DNAAF10: variants seen among roughly 807,000 people sequenced by gnomAD.
DNAAF10 encodes dynein axonemal assembly factor 10, also known as WD repeat domain 92.
DNAAF10 carries 28 observed loss-of-function variants against 43.7 expected under a neutral mutation model. That is an observed-to-expected ratio of 0.64 (90% CI 0.48 to 0.88). The LOEUF is 0.88. DNAAF10 is among the 40% of genes least tolerant of loss of function. The probability of loss-of-function intolerance (pLI) is 0.00; values close to 1 mark genes in which losing one functional copy is unlikely to be tolerated. For synonymous variants in DNAAF10, 156 were observed against 157.3 expected (o/e 0.99, Z 0.06); for missense variants, 403 against 439.1 (o/e 0.92, Z 0.73).
chr2:68,136,527 C>A (rs540812037), intron 6 of DNAAF10, among the ~76,000 whole-genome samples: 147 of 152,196 alleles, frequency 9.7e-4, no homozygotes, highest in Middle Eastern at 3.4e-3. Flanking sequence ...AGAGAAGCAA[C>A]GGAGTAAGTT....
At chr2:68,133,803 C>T (rs183055469) in intron 7 of DNAAF10, among the ~76,000 whole-genome samples, 1 of 152,260 alleles carries the variant, frequency 6.6e-6, no homozygotes, top group Non-Finnish European at 1.5e-5. Context: ...TATCCCTGCA[C>T]ACAGTACTTT....
chr2:68,144,738 T>G (rs375097924), intron 2 of DNAAF10, 23 bp from the exon 3 acceptor site: 8 of 1,600,488 alleles, frequency 5.0e-6, no homozygotes, highest in Non-Finnish European at 6.8e-6. Context: ...CACAGCTTCT[T>G]ACACCACATA....
chr2:68,157,357 G>C lies in DNAAF10; in HGVS notation c.87C>G (p.Cys29Trp). The change falls in exon 1 of 8, where the codon TGC becomes TGG. Residue 29 changes from cysteine to tryptophan, a missense_variant. By Grantham distance (215) the Cys-to-Trp change is radical. Transcript: ENST00000295121. ...TGCCCATGGTCACAAATTTGGCGCT[G>C]CAGGGCACCCACTTACAGTCAAACA... ...YTVFDCKWVP[C>W]SAKFVTMGNF... The C allele has an allele frequency of 6.2e-7, 1 of 1,614,216 alleles. No homozygotes were observed. The highest frequency in any genetic ancestry group is 8.5e-7 in the Non-Finnish European group (1 of 1,180,040).
intron 4 of DNAAF10, among the ~76,000 whole-genome samples, chr2:68,140,101 A>T (rs1442392975): frequency 6.6e-6 from 1 of 152,148 alleles, no homozygotes; most frequent in Non-Finnish European, 1.5e-5. Context: ...CTGTGGTTAA[A>T]CTCATCCTCC....
rs7603506 is a variant in DNAAF10, at chr2:68,146,000, G to A, written c.285-1285C>T. 5.2e-3 allele frequency among the ~76,000 whole-genome samples: 788 copies of A among 152,214 alleles called. 7 individuals are homozygous for A. The highest frequency in any genetic ancestry group is 0.017 in the African/African-American group (708 of 41,538). On this transcript the variant is annotated intron_variant, in intron 2 of 7. Transcript: ENST00000295121. ...TCTATGGCCAGGTGCAGTGGCTCAC[G>A]CCTGTAATCCCAGAACTTTGGGAGG...
chr2:68,146,634 A>T (rs1285917782), intron 2 of DNAAF10, among the ~76,000 whole-genome samples: 1 of 152,228 alleles, frequency 6.6e-6, no homozygotes, highest in Non-Finnish European at 1.5e-5. Context: ...TGCTAATTTA[A>T]TTATTAAGGA....
At chr2:68,156,544 G>C (rs1197823032) in intron 1 of DNAAF10, among the ~76,000 whole-genome samples, 2 of 152,162 alleles carry the variant, frequency 1.3e-5, no homozygotes, top group Non-Finnish European at 2.9e-5. Flanking sequence ...TCCACACCCT[G>C]CTTAAATCCT....
Position 68,157,284 on chromosome 2 carries a change from C to G in DNAAF10, c.160G>C (p.Gly54Arg). Reference protein sequence around the residue: ...GVIQLYEIQHGDLKLLREIEK... With the variant: ...GVIQLYEIQHRDLKLLREIEK... ...ACCTCCCGAAGCAGCTTCAGGTCCC[C>G]GTGCTGGATCTCGTACAGCTGAATG... Residue 54 changes from glycine (G) to arginine (R), a missense_variant, in exon 1 of 8, where the codon GGG becomes CGG. By Grantham distance (125) the Gly-to-Arg change is moderately radical. Coordinates refer to ENST00000295121, the MANE Select transcript of DNAAF10 (RefSeq NM_138458.4). 6.2e-7 allele frequency: 1 copy of G among 1,613,950 alleles called. No homozygotes were observed. The highest frequency in any genetic ancestry group is 1.3e-5 in the African/African-American group (1 of 75,054).
chr2:68,147,502 T>A lies in DNAAF10; in HGVS notation c.249A>T (p.Leu83Phe). ...FGATSLQQRY[L>F]ATGDFGGNLH... ...GGTTTCCACCAAAATCTCCAGTAGCTAAATATCTCTGCTGTAAAGATGTTG... is the reference window on the plus strand; with the variant it reads ...GGTTTCCACCAAAATCTCCAGTAGCAAAATATCTCTGCTGTAAAGATGTTG... The change falls in exon 2 of 8, where the codon TTA (leucine) becomes TTT (phenylalanine). Residue 83 changes from leucine (L) to phenylalanine (F), a missense_variant. By Grantham distance (22) the Leu-to-Phe change is conservative. Coordinates refer to ENST00000295121, the MANE Select transcript of DNAAF10 (RefSeq NM_138458.4). The A allele has an allele frequency of 6.2e-7, 1 of 1,611,966 alleles. No homozygotes were observed. Among genetic ancestry groups the A allele is most frequent in the South Asian group, 1.1e-5 (1 of 90,872 alleles).
At chr2:68,140,646 C>A (rs915101097) in intron 4 of DNAAF10, among the ~76,000 whole-genome samples, 2 of 152,128 alleles carry the variant, frequency 1.3e-5, no homozygotes, top group Non-Finnish European at 2.9e-5. Context: ...TCCTAAAGCT[C>A]GGATTTCATC....
At chr2:68,141,146 A>G (rs77413521) in intron 4 of DNAAF10, among the ~76,000 whole-genome samples, 10,221 of 152,304 alleles carry the variant, frequency 0.067, 395 homozygotes, top group Middle Eastern at 0.19. Flanking sequence ...ATTCATTTTA[A>G]GTAAATTAAT....
intron 1 of DNAAF10, among the ~76,000 whole-genome samples, chr2:68,155,834 C>A (rs76368136): frequency 6.6e-6 from 1 of 152,070 alleles, no homozygotes; most frequent in Non-Finnish European, 1.5e-5. Flanking sequence ...TGGTGGCTCA[C>A]GCCTGTAATC....
rs1672901650 is a variant in DNAAF10 at position 68,130,213 on chromosome 2, C to G, written c.*1025G>C. On this transcript the variant is annotated 3_prime_UTR_variant, in exon 8 of 8. Coordinates refer to ENST00000295121, the MANE Select transcript of DNAAF10 (RefSeq NM_138458.4). Reference sequence around the variant, plus strand: ...TGGCGCAATCTCAGCTCACTGCAATCTCCACCTCCTGGGTTCAAGTGATTC... The same window carrying G: ...TGGCGCAATCTCAGCTCACTGCAATGTCCACCTCCTGGGTTCAAGTGATTC... The G allele has an allele frequency of 6.7e-6, 1 of 149,868 alleles. No individual in the cohort carries two copies. Among genetic ancestry groups the G allele is most frequent in the Admixed American group, 6.7e-5 (1 of 15,012 alleles). 9.3% of individuals were successfully genotyped at this position (149,868 alleles called of 1,614,324 possible).
intron 2 of DNAAF10, 45 bp from the exon 3 acceptor site, chr2:68,144,760 T>C: frequency 6.4e-7 from 1 of 1,572,378 alleles, no homozygotes; most frequent in Non-Finnish European, 8.6e-7. Flanking sequence ...CCCAAACATA[T>C]AAGTCTACTA....
chr2:68,141,982 T>A (rs537643525), intron 3 of DNAAF10, among the ~76,000 whole-genome samples, 187 bp from the exon 4 acceptor site: 4 of 152,232 alleles, frequency 2.6e-5, no homozygotes, highest in African/African-American at 9.6e-5. Context: ...ATCACCCATA[T>A]GTAACTATCT....
At chr2:68,131,621 C>T in intron 7 of DNAAF10, 176 bp from the exon 8 acceptor site, 3 of 637,390 alleles carry the variant, frequency 4.7e-6, no homozygotes, top group Non-Finnish European at 7.9e-6. Context: ...AACCTCAATC[C>T]TATCCCAAAA....
Position 68,131,279 on chromosome 2 carries a change from T to G in DNAAF10, c.1033A>C (p.Thr345Pro). The change falls in exon 8 of 8, where the codon ACG becomes CCG. Residue 345 changes from threonine to proline, a missense_variant. Thr to Pro is a conservative substitution (Grantham distance 38, BLOSUM62 -1). Transcript: ENST00000295121. ...TTTGTAACGATCAGTACTCTCACCGTTTGGTCAAATGAACTACAGACGCAG... is the reference window on the plus strand; with the variant it reads ...TTTGTAACGATCAGTACTCTCACCGGTTGGTCAAATGAACTACAGACGCAG... ...GLCVCSSFDQTVRVLIVTKLN... is the reference protein window; with the variant it reads ...GLCVCSSFDQPVRVLIVTKLN... 6.2e-7 allele frequency: 1 copy of G among 1,614,064 alleles called. No homozygotes were observed. Among genetic ancestry groups the G allele is most frequent in the South Asian group, 1.1e-5 (1 of 91,070 alleles).
rs139710877 is a variant in DNAAF10, at chr2:68,152,806, T to C, written c.183+4455A>G. ...AAAGAAGCTCAAGATCAGTAATTCCTGTGTGAGCTATTTTTGTTCTGCATG... is the reference window on the plus strand; with the variant it reads ...AAAGAAGCTCAAGATCAGTAATTCCCGTGTGAGCTATTTTTGTTCTGCATG... On this transcript the variant is annotated intron_variant, in intron 1 of 7. Coordinates refer to ENST00000295121, the MANE Select transcript of DNAAF10 (RefSeq NM_138458.4). Among the ~76,000 whole-genome samples, 499 of 152,360 alleles carry C rather than the reference T, an allele frequency of 3.3e-3. 9 individuals carry two copies. The highest frequency in any genetic ancestry group is 6.8e-3 in the Middle Eastern group (2 of 294).
At position 68,130,111 on chromosome 2, in the gene DNAAF10, G is replaced by GATATATAT. The variant is rs200642044; in HGVS notation, c.*1126_*1127insATATATAT. On this transcript the variant is annotated 3_prime_UTR_variant, in exon 8 of 8. Coordinates refer to ENST00000295121, the MANE Select transcript of DNAAF10 (RefSeq NM_138458.4). ...AGACCAACCGTGCCGTTTTGAGAGAGAGAGATATATATATATATATTTGTT... is the reference window on the plus strand; with the variant it reads ...AGACCAACCGTGCCGTTTTGAGAGAGATATATATAGAGATATATATATATATATTTGTT... 2 of 131,862 alleles carry GATATATAT rather than the reference G, an allele frequency of 1.5e-5. No individual in the cohort carries two copies. 8.2% of individuals were successfully genotyped at this position (131,862 alleles called of 1,614,324 possible).
Sources: gnomAD v4.1 joint callset for allele counts (sites outside exome capture counted in the v4.1 genomes callset) on GRCh38, gnomAD v4.1.1 for gene constraint, MANE v1.5 for transcripts, NCBI Gene and HGNC (gene_info 2026-07-23, HGNC 2026-07-21) for gene names.